The following MRPL1 variants were observed in gnomAD, a reference collection of about 807,000 sequenced individuals.
The protein encoded by MRPL1 is large ribosomal subunit protein uL1m.
Under a neutral mutation model 38.0 loss-of-function variants are expected in MRPL1, and 28 were observed. That is an observed-to-expected ratio of 0.74 (90% CI 0.55 to 1.01). The LOEUF (loss-of-function observed/expected upper bound fraction) is 1.01. MRPL1 is among the 50% of genes least tolerant of loss of function. The pLI is 0.00. For synonymous variants in MRPL1, 123 were observed against 126.7 expected (o/e 0.97, Z 0.20); for missense variants, 358 against 389.8 (o/e 0.92, Z 0.69).
chr4:77,879,755 A>G (rs1459057489), intron 2 of MRPL1, among the ~76,000 whole-genome samples: 1 of 152,232 alleles, frequency 6.6e-6, no homozygotes, highest in Non-Finnish European at 1.5e-5. Context: ...GGAAGGTTTC[A>G]GGATTTTGTG....
intron 3 of MRPL1, 101 bp downstream of exon 3, chr4:77,883,601 G>T: frequency 1.6e-6 from 2 of 1,233,454 alleles, no homozygotes; most frequent in Non-Finnish European, 2.2e-6. Flanking sequence ...TTGAGACAGG[G>T]TCTTCTTGCC....
intron 7 of MRPL1, among the ~76,000 whole-genome samples, chr4:77,931,785 C>T (rs530488591): frequency 6.6e-6 from 1 of 152,148 alleles, no homozygotes; most frequent in South Asian, 2.1e-4. Context: ...TGTGAGTCTG[C>T]GCACTGTGTC....
intron 7 of MRPL1, among the ~76,000 whole-genome samples, chr4:77,945,965 A>T (rs1294394713): frequency 6.6e-6 from 1 of 152,182 alleles, no homozygotes; most frequent in Non-Finnish European, 1.5e-5. Flanking sequence ...CTTGATAAAC[A>T]TCTTAAACAA....
chr4:77,945,593 A>G (rs945550723), intron 7 of MRPL1, among the ~76,000 whole-genome samples: 10 of 151,852 alleles, frequency 6.6e-5, no homozygotes, highest in Non-Finnish European at 1.3e-4. Context: ...TGCCCCCAAT[A>G]TTTCATCGTA....
chr4:77,930,645 T>A (rs1226235390), intron 7 of MRPL1, among the ~76,000 whole-genome samples: 2 of 152,134 alleles, frequency 1.3e-5, no homozygotes, highest in African/African-American at 4.8e-5. Flanking sequence ...CAGAACCCTG[T>A]CAGTGAGTGG....
At chr4:77,906,058 C>T (rs899073088) in intron 6 of MRPL1, among the ~76,000 whole-genome samples, 1 of 152,144 alleles carries the variant, frequency 6.6e-6, no homozygotes, top group Non-Finnish European at 1.5e-5. Context: ...TGCATGAGAT[C>T]AGTCAGGGAG....
At chr4:77,929,421 AT>A (rs1347104494) in intron 7 of MRPL1, among the ~76,000 whole-genome samples, 2 of 152,220 alleles carry the variant, frequency 1.3e-5, no homozygotes, top group African/African-American at 2.4e-5. Flanking sequence ...TCTAAAAAAA[AT>A]AACATTTATT....
At chr4:77,878,458 G>A (rs965224789) in intron 2 of MRPL1, among the ~76,000 whole-genome samples, 3 of 151,966 alleles carry the variant, frequency 2.0e-5, no homozygotes, top group East Asian at 1.9e-4. Context: ...GAGGTTGTAC[G>A]AATTTCCCCC....
chr4:77,912,040 A>G (rs1560468164), intron 7 of MRPL1, among the ~76,000 whole-genome samples: 1 of 152,218 alleles, frequency 6.6e-6, no homozygotes, highest in African/African-American at 2.4e-5. Context: ...AGAATCCAAC[A>G]TCTGTTTCTG....
At chr4:77,889,941 ATC>A (rs927103851) in intron 5 of MRPL1, among the ~76,000 whole-genome samples, 1 of 152,192 alleles carries the variant, frequency 6.6e-6, no homozygotes, top group Non-Finnish European at 1.5e-5. Flanking sequence ...AAGAAGTTGA[ATC>A]CCTGAATAGA....
At chr4:77,894,334 A>G in intron 6 of MRPL1, 84 bp downstream of exon 6, 3 of 808,412 alleles carry the variant, frequency 3.7e-6, no homozygotes, top group South Asian at 3.3e-5. Context: ...TTGTTCATGT[A>G]TGCGTAGAAT....
intron 2 of MRPL1, among the ~76,000 whole-genome samples, chr4:77,881,428 C>T (rs1391100183): frequency 6.6e-6 from 1 of 151,314 alleles, no homozygotes; most frequent in African/African-American, 2.4e-5. Flanking sequence ...CTCCTTTTCC[C>T]ATCTTCAATA....
intron 7 of MRPL1, among the ~76,000 whole-genome samples, chr4:77,918,174 G>A (rs1302737120): frequency 2.0e-5 from 3 of 152,104 alleles, no homozygotes; most frequent in Non-Finnish European, 2.9e-5. Flanking sequence ...TCTAGGAGGA[G>A]TTCGAAAATA....
chr4:77,945,601 G>A (rs554068890), intron 7 of MRPL1, among the ~76,000 whole-genome samples: 12 of 151,628 alleles, frequency 7.9e-5, no homozygotes, highest in African/African-American at 1.5e-4. Flanking sequence ...ATATTTCATC[G>A]TAAGTTCTTT....
chr4:77,943,975 T>G (rs1737195925), intron 7 of MRPL1, among the ~76,000 whole-genome samples: 1 of 152,232 alleles, frequency 6.6e-6, no homozygotes, highest in African/African-American at 2.4e-5. Flanking sequence ...TTTTGTTATA[T>G]TATCACAATT....
intron 7 of MRPL1, among the ~76,000 whole-genome samples, chr4:77,915,851 C>T (rs1268012623): frequency 6.6e-6 from 1 of 152,162 alleles, no homozygotes; most frequent in Non-Finnish European, 1.5e-5. Flanking sequence ...ATCATGAAGA[C>T]AAAACAAGTT....
intron 7 of MRPL1, among the ~76,000 whole-genome samples, chr4:77,937,329 T>G (rs563042699): frequency 6.6e-6 from 1 of 152,304 alleles, no homozygotes; most frequent in East Asian, 1.9e-4. Flanking sequence ...GGAGCCAGGC[T>G]TTGATGGCTT....
At chr4:77,948,844 C>T (rs1424408971) in intron 7 of MRPL1, among the ~76,000 whole-genome samples, 2 of 150,642 alleles carry the variant, frequency 1.3e-5, no homozygotes, top group South Asian at 2.1e-4. Flanking sequence ...AATCTCAGCT[C>T]ACTGCAACCT....
At chr4:77,921,524 GA>G (rs1212927475) in intron 7 of MRPL1, among the ~76,000 whole-genome samples, 3 of 151,874 alleles carry the variant, frequency 2.0e-5, no homozygotes, top group Non-Finnish European at 4.4e-5. Flanking sequence ...AAGGCTCTGA[GA>G]AAAAAAGGGG....
Sources: allele counts gnomAD v4.1 joint callset (sites outside exome capture counted in the v4.1 genomes callset), GRCh38; gene constraint gnomAD v4.1.1; transcripts MANE v1.5; gene names NCBI Gene and HGNC (gene_info 2026-07-23, HGNC 2026-07-21).